The following TMEM117 variants were observed in gnomAD, a reference collection of about 807,000 sequenced individuals.
TMEM117 encodes the protein transmembrane protein 117.
A neutral mutation model predicts 52.4 loss-of-function variants in TMEM117; 27 were observed. The observed-to-expected ratio is 0.51, with a 90% CI of 0.38 to 0.71. The LOEUF is 0.71. Ranked by LOEUF, TMEM117 falls within the 30% of genes least tolerant of loss-of-function variation. The pLI is 0.00. For missense variants in TMEM117, 556 were observed against 630.5 expected (o/e 0.88, Z 1.26); for synonymous variants, 215 against 206.3 (o/e 1.04, Z -0.36).
chr12:44,103,673 G>A (rs949838897), intron 3 of TMEM117, among the ~76,000 whole-genome samples: 2 of 151,902 alleles, frequency 1.3e-5, no homozygotes, highest in African/African-American at 4.8e-5. Flanking sequence ...AACTTTGCAT[G>A]CTGATGGATC....
intron 5 of TMEM117, among the ~76,000 whole-genome samples, chr12:44,236,362 C>T (rs1286296152): frequency 6.6e-6 from 1 of 152,026 alleles, no homozygotes; most frequent in African/African-American, 2.4e-5. Context: ...ATAGGTTCTC[C>T]TAGCCTATTT....
Position 43,944,212 on chromosome 12 carries a change from C to T in TMEM117, c.280C>T (p.Gln94Ter). 1 of 1,609,832 alleles carries T rather than the reference C, an allele frequency of 6.2e-7. No individual in the cohort carries two copies. The highest frequency in any genetic ancestry group is 8.5e-7 in the Non-Finnish European group (1 of 1,178,276). ...TTTTAATAATATTTGTATTTCAGGT[C>T]AGTTGCTCCGATTAAAAATGTTTCG... ...KFLFHQRLFG[Q>*]LLRLKMFRED... Residue 94 changes from glutamine (Q) to a stop codon, truncating the protein, a stop_gained and splice_region_variant, in exon 3 of 8, where the codon CAG becomes TAG. Coordinates refer to ENST00000266534, the MANE Select transcript of TMEM117 (RefSeq NM_032256.3). LOFTEE classifies it high-confidence loss of function.
At chr12:43,848,035 G>T (rs1565717251) in intron 2 of TMEM117, among the ~76,000 whole-genome samples, 1 of 152,124 alleles carries the variant, frequency 6.6e-6, no homozygotes. Context: ...TAAGAACAGA[G>T]AGTAGGTACA....
At chr12:43,830,044 C>T in the TMEM117 span, among the ~76,000 whole-genome samples, 2 of 145,834 alleles carry the variant, frequency 1.4e-5, no homozygotes, top group Admixed American at 1.4e-4. Context: ...GGCGAGATTG[C>T]GCCACTGCAC....
intron 4 of TMEM117, among the ~76,000 whole-genome samples, chr12:44,180,457 C>G (rs1170192077): frequency 6.7e-6 from 1 of 150,030 alleles, no homozygotes; most frequent in Non-Finnish European, 1.5e-5. Context: ...CACCCACTAA[C>G]TCGTCATCTA....
At chr12:44,387,483 C>T (rs1391717812) in intron 7 of TMEM117, among the ~76,000 whole-genome samples, 1 of 151,930 alleles carries the variant, frequency 6.6e-6, no homozygotes, top group Non-Finnish European at 1.5e-5. Flanking sequence ...GTCTTGAATG[C>T]TCAAGGATTA....
At chr12:44,190,454 G>A (rs191105906) in intron 4 of TMEM117, among the ~76,000 whole-genome samples, 3 of 152,264 alleles carry the variant, frequency 2.0e-5, no homozygotes, top group African/African-American at 7.2e-5. Flanking sequence ...GCAACTGTGT[G>A]CCAGGAGCAT....
At chr12:44,269,394 A>G (rs1161986424) in intron 5 of TMEM117, among the ~76,000 whole-genome samples, 1 of 152,152 alleles carries the variant, frequency 6.6e-6, no homozygotes, top group Non-Finnish European at 1.5e-5. Flanking sequence ...CGTTTCACAC[A>G]GTAATTATTA....
intron 4 of TMEM117, among the ~76,000 whole-genome samples, chr12:44,187,486 CT>C: frequency 6.6e-6 from 1 of 152,188 alleles, no homozygotes; most frequent in South Asian, 2.1e-4. Context: ...GGGACAACAG[CT>C]ATATATTTTT....
At chr12:44,023,574 A>G (rs1442497478) in intron 3 of TMEM117, among the ~76,000 whole-genome samples, 1 of 152,062 alleles carries the variant, frequency 6.6e-6, no homozygotes, top group Non-Finnish European at 1.5e-5. Flanking sequence ...TCTGATGGCC[A>G]GTGATGATGA....
intron 6 of TMEM117, among the ~76,000 whole-genome samples, chr12:44,315,843 A>G (rs1393271944): frequency 6.6e-6 from 1 of 152,218 alleles, no homozygotes; most frequent in Non-Finnish European, 1.5e-5. Context: ...TTGCTGGCTT[A>G]AAGTCTGTTT....
chr12:43,846,984 C>T (rs1215326496), intron 2 of TMEM117, among the ~76,000 whole-genome samples: 3 of 151,952 alleles, frequency 2.0e-5, no homozygotes, highest in Non-Finnish European at 4.4e-5. Context: ...ATACAATGCA[C>T]ACATATGTAT....
chr12:43,972,754 C>T (rs776078173), intron 3 of TMEM117, among the ~76,000 whole-genome samples: 1 of 152,112 alleles, frequency 6.6e-6, no homozygotes, highest in Non-Finnish European at 1.5e-5. Flanking sequence ...TGTGTTTTTA[C>T]AGAGCACAGA....
At chr12:44,274,978 T>C (rs1326015631) in intron 5 of TMEM117, among the ~76,000 whole-genome samples, 3 of 152,022 alleles carry the variant, frequency 2.0e-5, no homozygotes, top group African/African-American at 4.8e-5. Flanking sequence ...TTAAAAAGCT[T>C]CTGCACAGCA....
chr12:43,856,484 C>T (rs79973027), intron 2 of TMEM117, among the ~76,000 whole-genome samples: 2,384 of 152,276 alleles, frequency 0.016, 69 homozygotes, highest in African/African-American at 0.053. Flanking sequence ...AAAAGCAGTT[C>T]CTCATGTCTA....
At position 44,314,569 on chromosome 12, in the gene TMEM117, T is replaced by TC. The variant is rs1388311034; in HGVS notation, c.768+14830_768+14831insC. On this transcript the variant is annotated intron_variant, in intron 6 of 7. Coordinates refer to ENST00000266534, the MANE Select transcript of TMEM117 (RefSeq NM_032256.3). ...ATATTGGCCTGTAGTTTCTTCTTCTTTTTTTTTTTTTTTTTAAGACAAAGT... is the reference window on the plus strand; with the variant it reads ...ATATTGGCCTGTAGTTTCTTCTTCTTCTTTTTTTTTTTTTTTAAGACAAAGT... Among the ~76,000 whole-genome samples, 350 of 103,556 alleles carry TC rather than the reference T, an allele frequency of 3.4e-3. 1 individual carries two copies. Among genetic ancestry groups the TC allele is most frequent in the African/African-American group, 0.021 (328 of 15,516 alleles). The allele number at this position is 103,556 out of a possible 152,430, so 67.9% of individuals were successfully genotyped here.
At chr12:44,077,648 A>G (rs140552409) in intron 3 of TMEM117, among the ~76,000 whole-genome samples, 58 of 152,298 alleles carry the variant, frequency 3.8e-4, no homozygotes, top group African/African-American at 1.2e-3. Context: ...AAATTGCTAA[A>G]TTATATTCTA....
At chr12:44,039,922 A>G (rs1225336785) in intron 3 of TMEM117, among the ~76,000 whole-genome samples, 3 of 152,328 alleles carry the variant, frequency 2.0e-5, no homozygotes, top group East Asian at 1.9e-4. Context: ...TAGGTGCTCA[A>G]TAAATTAATT....
intron 4 of TMEM117, among the ~76,000 whole-genome samples, chr12:44,155,649 G>A (rs957671865): frequency 1.3e-5 from 2 of 152,062 alleles, no homozygotes; most frequent in Admixed American, 6.6e-5. Context: ...GAAACATCTG[G>A]TATGAGATAA....
Sources: allele counts gnomAD v4.1 joint callset (sites outside exome capture counted in the v4.1 genomes callset), GRCh38; gene constraint gnomAD v4.1.1; transcripts MANE v1.5; gene names NCBI Gene and HGNC (gene_info 2026-07-23, HGNC 2026-07-21).